Variants in SLC14A2 observed in about 807,000 individuals in gnomAD.
SLC14A2 encodes the protein urea transporter 2.
A neutral mutation model predicts 104.6 loss-of-function variants in SLC14A2; 91 were observed. The observed-to-expected ratio is 0.87, with a 90% CI of 0.73 to 1.04. SLC14A2 has a LOEUF of 1.04. SLC14A2 is among the 50% of genes least tolerant of loss of function. SLC14A2 has a pLI of 0.00. For missense variants in SLC14A2, 1,189 were observed against 1,156.0 expected (o/e 1.03, Z -0.41); for synonymous variants, 476 against 466.4 (o/e 1.02, Z -0.27).
chr18:45,512,889 A>C (rs569139189), intron 2 of SLC14A2, among the ~76,000 whole-genome samples: 1 of 152,282 alleles, frequency 6.6e-6, no homozygotes, highest in African/African-American at 2.4e-5. Flanking sequence ...GCTAGTTCAG[A>C]ATGTTTTCAA....
At chr18:45,519,640 A>G (rs2043489242) in intron 2 of SLC14A2, among the ~76,000 whole-genome samples, 1 of 152,226 alleles carries the variant, frequency 6.6e-6, no homozygotes, top group Non-Finnish European at 1.5e-5. Flanking sequence ...AAGCACGAAG[A>G]AGGAGGAGAG....
chr18:45,378,781 T>C (rs2085802433), intron 1 of SLC14A2, among the ~76,000 whole-genome samples: 1 of 152,146 alleles, frequency 6.6e-6, no homozygotes, highest in Non-Finnish European at 1.5e-5. Context: ...GTTGTTGTTG[T>C]TGTTTTGTTT....
intron 2 of SLC14A2, among the ~76,000 whole-genome samples, chr18:45,527,025 C>T (rs1236306206): frequency 6.6e-6 from 1 of 152,164 alleles, no homozygotes; most frequent in African/African-American, 2.4e-5. Context: ...ATGTAATCTA[C>T]CAAAACCTTC....
chr18:45,473,853 A>G (rs1328075975), intron 1 of SLC14A2, among the ~76,000 whole-genome samples: 1 of 152,124 alleles, frequency 6.6e-6, no homozygotes, highest in Non-Finnish European at 1.5e-5. Flanking sequence ...CTCTCTTCCT[A>G]TTTGAATATC....
At chr18:45,410,011 C>T (rs755403274) in intron 1 of SLC14A2, among the ~76,000 whole-genome samples, 13 of 152,136 alleles carry the variant, frequency 8.5e-5, no homozygotes, top group South Asian at 8.3e-4. Context: ...TGGGGGGCAG[C>T]GGGTGGTGAT....
intron 1 of SLC14A2, among the ~76,000 whole-genome samples, chr18:45,285,661 G>GACC (rs2084805921): frequency 8.0e-6 from 1 of 124,982 alleles, no homozygotes; most frequent in Admixed American, 8.4e-5. Flanking sequence ...CAGGTGATCT[G>GACC]CCCCCCCCCC....
chr18:45,414,751 A>AT (rs1568189973), intron 1 of SLC14A2, among the ~76,000 whole-genome samples: 2 of 70,874 alleles, frequency 2.8e-5, no homozygotes, highest in African/African-American at 1.2e-4. Flanking sequence ...GCGTAAAAAA[A>AT]AAAAAAATAT....
chr18:45,459,840 A>C (rs1363332251), intron 1 of SLC14A2, among the ~76,000 whole-genome samples: 1 of 152,118 alleles, frequency 6.6e-6, no homozygotes, highest in African/African-American at 2.4e-5. Flanking sequence ...GCGTGGCCTG[A>C]CTCTGCTGTA....
intron 1 of SLC14A2, among the ~76,000 whole-genome samples, chr18:45,308,563 G>A (rs998272668): frequency 5.3e-5 from 8 of 152,178 alleles, no homozygotes; most frequent in Non-Finnish European, 7.4e-5. Context: ...CCAGCCACTC[G>A]CTTTCCTCCC....
chr18:45,228,834 G>A (rs1053777466), intron 1 of SLC14A2, among the ~76,000 whole-genome samples: 6 of 152,112 alleles, frequency 3.9e-5, no homozygotes, highest in African/African-American at 1.4e-4. Context: ...GGCTTTGGGA[G>A]GCTCCAGTGC....
At chr18:45,591,262 C>G (rs1160746510) in intron 2 of SLC14A2, among the ~76,000 whole-genome samples, 1 of 152,156 alleles carries the variant, frequency 6.6e-6, no homozygotes, top group Admixed American at 6.5e-5. Context: ...ATACACATAC[C>G]CCCAGCAGTC....
chr18:45,357,053 T>G (rs1371714117), intron 1 of SLC14A2, among the ~76,000 whole-genome samples: 2 of 152,126 alleles, frequency 1.3e-5, no homozygotes, highest in Non-Finnish European at 2.9e-5. Flanking sequence ...GTTATATACA[T>G]TCTAGAAGCA....
intron 1 of SLC14A2, among the ~76,000 whole-genome samples, chr18:45,463,266 G>A (rs1484073575): frequency 6.6e-6 from 1 of 152,176 alleles, no homozygotes; most frequent in African/African-American, 2.4e-5. Context: ...GCCTGGTGTG[G>A]AGCAGTGATA....
chr18:45,274,652 G>A (rs536120362), intron 1 of SLC14A2, among the ~76,000 whole-genome samples: 1 of 152,334 alleles, frequency 6.6e-6, no homozygotes, highest in African/African-American at 2.4e-5. Context: ...AGATGTCTGG[G>A]TTGGGACTAC....
chr18:45,335,282 G>T (rs1206880047), intron 1 of SLC14A2, among the ~76,000 whole-genome samples: 1 of 152,116 alleles, frequency 6.6e-6, no homozygotes, highest in Non-Finnish European at 1.5e-5. Context: ...ACACAGTGTG[G>T]CATCTTTTTC....
rs1453381130 is a variant in SLC14A2 at position 45,370,017 on chromosome 18, A to C, written c.-124-113216A>C. On this transcript the variant is annotated intron_variant, in intron 1 of 20. Coordinates refer to the SLC14A2 transcript ENST00000586448. ...TATGGACTGAGAGCCAGAGCTGTTGAGGCTCTAGGCAAAGCCATCTTCTCT... is the reference window on the plus strand; with the variant it reads ...TATGGACTGAGAGCCAGAGCTGTTGCGGCTCTAGGCAAAGCCATCTTCTCT... Among the ~76,000 whole-genome samples, 3 of 152,202 alleles carry C rather than the reference A, an allele frequency of 2.0e-5. No individual in the cohort carries two copies. The East Asian group carries it at 5.8e-4, about 29-fold the overall frequency.
At chr18:45,436,211 A>T (rs986850316) in intron 1 of SLC14A2, among the ~76,000 whole-genome samples, 2 of 152,220 alleles carry the variant, frequency 1.3e-5, no homozygotes, top group Non-Finnish European at 2.9e-5. Context: ...TGTTTATGTT[A>T]AAAAGAACAG....
intron 10 of SLC14A2, among the ~76,000 whole-genome samples, chr18:45,662,406 T>C (rs1464007589): frequency 6.6e-6 from 1 of 152,200 alleles, no homozygotes; most frequent in African/African-American, 2.4e-5. Flanking sequence ...CATAGTTGTT[T>C]CTACATAAGC....
chr18:45,431,490 A>G (rs1214996779), intron 1 of SLC14A2, among the ~76,000 whole-genome samples: 1 of 152,230 alleles, frequency 6.6e-6, no homozygotes, highest in African/African-American at 2.4e-5. Flanking sequence ...TACTTTGTGC[A>G]GTGCCTAGCA....
Sources: allele counts gnomAD v4.1 joint callset (sites outside exome capture counted in the v4.1 genomes callset), GRCh38; gene constraint gnomAD v4.1.1; transcripts MANE v1.5; gene names NCBI Gene and HGNC (gene_info 2026-07-23, HGNC 2026-07-21).